HK1: variants seen among roughly 807,000 people sequenced by gnomAD.
HK1 encodes the protein hexokinase-1.
HK1 carries 28 observed loss-of-function variants against 91.6 expected under a neutral mutation model. That is an observed-to-expected ratio of 0.31 (90% CI 0.23 to 0.42). The LOEUF (loss-of-function observed/expected upper bound fraction) is 0.42. Among genes scored for constraint, HK1 ranks in the 10% least tolerant of loss-of-function variants. The pLI is 1.00. For synonymous variants in HK1, 430 were observed against 468.1 expected, an observed-to-expected ratio of 0.92 and a Z score of 1.05; for missense variants, 770 against 1,219.8, an observed-to-expected ratio of 0.63 and a Z score of 5.49.
chr10:69,321,496 C>G lies in HK1; in HGVS notation c.63+2486C>G, dbSNP rs184942927. ...AGGGACCTGCTGAGGATGGTTCCCC[C>G]CCAGCGTGGGCAGCCATGATGATTC... On this transcript the variant is annotated intron_variant, in intron 1 of 17. Transcript: ENST00000359426. Among the ~76,000 whole-genome samples, 38 of 152,320 alleles carry G rather than the reference C, an allele frequency of 2.5e-4. No homozygotes were observed. In the East Asian group the frequency reaches 2.9e-3, roughly 12 times the overall value.
chr10:69,303,909 G>A (rs1369120469), intron 5 of HK1, among the ~76,000 whole-genome samples: 2 of 152,204 alleles, frequency 1.3e-5, no homozygotes, highest in Non-Finnish European at 2.9e-5. Context: ...AGTCAGGAGT[G>A]CTGATTGGTT....
chr10:69,363,410 ACT>A (rs1849538526), intron 3 of HK1, among the ~76,000 whole-genome samples: 1 of 152,168 alleles, frequency 6.6e-6, no homozygotes, highest in Non-Finnish European at 1.5e-5. Flanking sequence ...ACAGGGTCTC[ACT>A]CTGCTGCCCA....
intron 2 of HK1, among the ~76,000 whole-genome samples, chr10:69,350,166 C>T (rs4745983): frequency 7.9e-5 from 12 of 152,172 alleles, no homozygotes; most frequent in African/African-American, 2.2e-4. Flanking sequence ...GGTTATGTGC[C>T]CATCCTGAAC....
chr10:69,293,871 T>C (rs1198496945), intron 3 of HK1, among the ~76,000 whole-genome samples: 1 of 146,366 alleles, frequency 6.8e-6, no homozygotes, highest in Non-Finnish European at 1.5e-5. Flanking sequence ...TTTTTTTTTT[T>C]TTTTTTTTGA....
chr10:69,376,978 G>A lies in HK1; in HGVS notation c.920G>A (p.Arg307Gln), dbSNP rs1274082913. The A allele has an allele frequency of 1.2e-6, 2 of 1,614,130 alleles. No homozygotes were observed. The highest frequency in any genetic ancestry group is 8.5e-7 in the Non-Finnish European group (1 of 1,180,034). Residue 307 changes from arginine (R) to glutamine (Q), a missense_variant, in exon 8 of 18, where the codon CGA becomes CAA. Arg to Gln is a conservative substitution (Grantham distance 43, BLOSUM62 1). Transcript: ENST00000359426. ...VSGMYLGELV[R>Q]LILVKMAKEG... ...GGCATGTACTTGGGAGAGCTGGTTC[G>A]ACTGATCCTAGTCAAGATGGCCAAG...
At chr10:69,318,566 G>A (rs1365592400), upstream of HK1, among the ~76,000 whole-genome samples, 1 of 152,160 alleles carries the variant, frequency 6.6e-6, no homozygotes, top group Non-Finnish European at 1.5e-5. Flanking sequence ...GGCCCGCATC[G>A]GCTCCCTACG....
At chr10:69,348,909 C>T (rs1848702838) in intron 2 of HK1, among the ~76,000 whole-genome samples, 1 of 152,070 alleles carries the variant, frequency 6.6e-6, no homozygotes, top group Admixed American at 6.5e-5. Context: ...GGCTGGTACT[C>T]GAGACACATC....
chr10:69,395,457 A>G (rs1840091435), intron 16 of HK1, among the ~76,000 whole-genome samples: 1 of 152,178 alleles, frequency 6.6e-6, no homozygotes, highest in African/African-American at 2.4e-5. Context: ...ATATGCCTGT[A>G]ATCCCAGCTA....
intron 1 of HK1, chr10:69,278,915 G>T (rs955162201): frequency 6.6e-6 from 1 of 152,210 alleles, no homozygotes; most frequent in Non-Finnish European, 1.5e-5. Flanking sequence ...TGAAGAGCAT[G>T]TGGTTACATT....
chr10:69,375,351 G>A, intron 7 of HK1, among the ~76,000 whole-genome samples: 1 of 152,188 alleles, frequency 6.6e-6, no homozygotes, highest in Non-Finnish European at 1.5e-5. Context: ...GCCAGGGTGA[G>A]TAGCTCAGTA....
At chr10:69,270,284 C>T (rs978349659) in intron 1 of HK1, among the ~76,000 whole-genome samples, 5 of 152,036 alleles carry the variant, frequency 3.3e-5, no homozygotes, top group African/African-American at 1.2e-4. Context: ...CTGACTTTTC[C>T]TTCTAAGCAT....
At chr10:69,290,520 C>G (rs1362504392) in intron 3 of HK1, among the ~76,000 whole-genome samples, 2 of 152,064 alleles carry the variant, frequency 1.3e-5, no homozygotes, top group African/African-American at 4.8e-5. Context: ...GTTTTTGAAA[C>G]AGAATTTCAC....
At chr10:69,332,032 C>T (rs567892793) in intron 1 of HK1, among the ~76,000 whole-genome samples, 37 of 152,324 alleles carry the variant, frequency 2.4e-4, no homozygotes, top group African/African-American at 8.7e-4. Context: ...GATTGCACCA[C>T]TGCACTCCAT....
chr10:69,327,321 T>C (rs528489066), intron 1 of HK1, among the ~76,000 whole-genome samples: 1 of 152,332 alleles, frequency 6.6e-6, no homozygotes, highest in East Asian at 1.9e-4. Context: ...AATGGTGCTA[T>C]ACTGTATGTA....
At chr10:69,343,723 G>A (rs563513401) in intron 1 of HK1, 104 bp from the exon 2 acceptor site, 8 of 849,246 alleles carry the variant, frequency 9.4e-6, no homozygotes, top group Admixed American at 3.4e-5. Flanking sequence ...GCCAGCGTGC[G>A]TGTTCCTGTG....
intron 7 of HK1, among the ~76,000 whole-genome samples, chr10:69,376,550 TAA>T: frequency 6.6e-6 from 1 of 152,168 alleles, no homozygotes; most frequent in African/African-American, 2.4e-5. Flanking sequence ...TACATAAAGA[TAA>T]AAAATAAAAA....
intron 1 of HK1, among the ~76,000 whole-genome samples, chr10:69,335,108 CT>C (rs1278686900): frequency 2.6e-5 from 4 of 152,134 alleles, no homozygotes; most frequent in African/African-American, 9.7e-5. Context: ...GGCCATTTCC[CT>C]CCCTGCTCAG....
exon 5 of HK1, chr10:69,300,839 C>A (rs774137056): frequency 6.2e-7 from 1 of 1,600,642 alleles, no homozygotes; most frequent in East Asian, 2.2e-5. Flanking sequence ...GGAAAGATGG[C>A]AAAAAGAGCC....
At chr10:69,399,743 C>A (rs184089958) in intron 17 of HK1, among the ~76,000 whole-genome samples, 78 of 152,118 alleles carry the variant, frequency 5.1e-4, no homozygotes, top group Middle Eastern at 6.8e-3. Context: ...AATAGGGTGA[C>A]CATATTATTT....
Sources: gnomAD v4.1 joint callset for allele counts (sites outside exome capture counted in the v4.1 genomes callset) on GRCh38, gnomAD v4.1.1 for gene constraint, MANE v1.5 for transcripts, NCBI Gene and HGNC (gene_info 2026-07-23, HGNC 2026-07-21) for gene names.